IRAG2: variants seen among roughly 807,000 people sequenced by gnomAD.
The protein encoded by IRAG2 is inositol 1,4,5-triphosphate receptor associated 2.
A neutral mutation model predicts 69.9 loss-of-function variants in IRAG2; 45 were observed. The ratio of observed to expected loss-of-function variants is 0.64; its 90% CI spans 0.51 to 0.83. The LOEUF (loss-of-function observed/expected upper bound fraction) is 0.83. IRAG2 is among the 40% of genes least tolerant of loss of function. The pLI is 0.00. For synonymous variants in IRAG2, 193 were observed against 202.4 expected (o/e 0.95, Z 0.40); for missense variants, 520 against 587.0 (o/e 0.89, Z 1.18).
At chr12:25,105,629 T>C (rs1420021580) in intron 20 of IRAG2, among the ~76,000 whole-genome samples, 1 of 139,370 alleles carries the variant, frequency 7.2e-6, no homozygotes, top group African/African-American at 2.7e-5. Flanking sequence ...ATAATGAATT[T>C]GAGCTGGTTG....
chr12:25,053,401 A>C (rs1442701465), intron 1 of IRAG2, among the ~76,000 whole-genome samples: 1 of 152,080 alleles, frequency 6.6e-6, no homozygotes, highest in Non-Finnish European at 1.5e-5. Context: ...GGTTGGGCAA[A>C]ATAATTATGA....
At chr12:25,015,767 C>G (rs1944522689) in intron 5 of IRAG2, among the ~76,000 whole-genome samples, 1 of 152,182 alleles carries the variant, frequency 6.6e-6, no homozygotes, top group Admixed American at 6.5e-5. Flanking sequence ...TATTTTAAAG[C>G]ACTTCTTTAG....
chr12:25,077,277 A>AATATATATATG (rs1172159542), intron 6 of IRAG2, among the ~76,000 whole-genome samples: 1 of 21,824 alleles, frequency 4.6e-5, no homozygotes, highest in African/African-American at 1.5e-4. Flanking sequence ...ATATATATGA[A>AATATATATATG]ATATATATGA....
chr12:25,047,283 C>T (rs184506568), upstream of IRAG2, among the ~76,000 whole-genome samples: 4 of 152,178 alleles, frequency 2.6e-5, no homozygotes, highest in East Asian at 5.8e-4. Context: ...GGATATGACA[C>T]CAAAAGCACA....
chr12:25,099,977 G>A (rs1948651741), intron 15 of IRAG2, among the ~76,000 whole-genome samples: 1 of 105,212 alleles, frequency 9.5e-6, no homozygotes, highest in Admixed American at 1.4e-4. Flanking sequence ...TCCAGCCTGG[G>A]CAACAAGAGT....
chr12:25,044,780 A>AG (rs1438033330), intron 16 of IRAG2, among the ~76,000 whole-genome samples: 9 of 152,142 alleles, frequency 5.9e-5, no homozygotes, highest in Non-Finnish European at 1.0e-4. Flanking sequence ...ACAGAACTGA[A>AG]GGGGGAAATA....
intron 7 of IRAG2, among the ~76,000 whole-genome samples, chr12:25,021,917 A>T (rs568048093): frequency 6.6e-6 from 1 of 152,194 alleles, no homozygotes; most frequent in Non-Finnish European, 1.5e-5. Flanking sequence ...GCAAGTCTAT[A>T]TGGATGCATT....
intron 2 of IRAG2, among the ~76,000 whole-genome samples, chr12:25,006,666 A>G (rs959685547): frequency 6.6e-6 from 1 of 152,200 alleles, no homozygotes; most frequent in African/African-American, 2.4e-5. Flanking sequence ...AGTGGGAGTT[A>G]GACATTGTAT....
At chr12:25,055,495 A>G (rs1053803445) in intron 1 of IRAG2, among the ~76,000 whole-genome samples, 1 of 152,190 alleles carries the variant, frequency 6.6e-6, no homozygotes, top group Non-Finnish European at 1.5e-5. Context: ...TCTAGGGTAC[A>G]TGTGTACAAC....
intron 15 of IRAG2, among the ~76,000 whole-genome samples, chr12:25,100,641 A>C (rs1392237544): frequency 6.6e-6 from 1 of 152,192 alleles, no homozygotes; most frequent in Admixed American, 6.5e-5. Context: ...TATGCATATA[A>C]GTTGTTGCTT....
chr12:25,016,313 A>C (rs144741735), intron 5 of IRAG2, among the ~76,000 whole-genome samples: 1 of 152,368 alleles, frequency 6.6e-6, no homozygotes, highest in East Asian at 1.9e-4. Flanking sequence ...AGAATCTTAA[A>C]GGATTTGTGA....
At position 25,104,438 on chromosome 12, in the gene IRAG2, C is replaced by A; in HGVS notation, c.1124C>A (p.Ala375Asp). 6.2e-7 allele frequency: 1 copy of A among 1,611,628 alleles called. No homozygotes were observed. The highest frequency in any genetic ancestry group is 1.3e-5 in the African/African-American group (1 of 74,936). The change falls in exon 20 of 22, where the codon GCT (alanine) becomes GAT (aspartate). Residue 375 changes from alanine (A) to aspartate (D), a missense_variant. Physicochemically the swap from Ala to Asp is moderately radical, Grantham distance 126. Transcript: ENST00000556887. ...RFISTYSWAD[A>D]EEEKCELKTK... ...ATTAGCACCTATTCCTGGGCAGATG[C>A]TGAAGAAGAAAAATGTGAACTAAAG...
Position 25,016,413 on chromosome 12 carries a change from A to G in IRAG2, c.1056-721A>G, listed in dbSNP as rs1280095631. On this transcript the variant is annotated intron_variant, in intron 5 of 38. Coordinates refer to the IRAG2 transcript ENST00000636465. Reference sequence around the variant, plus strand: ...AGTACTGAATTGTGAGCTTCAGACTACAATGATAAGACTCTAGGAACTGTT... The same window carrying G: ...AGTACTGAATTGTGAGCTTCAGACTGCAATGATAAGACTCTAGGAACTGTT... Among the ~76,000 whole-genome samples the G allele has an allele frequency of 2.0e-5, 3 of 152,208 alleles. No homozygotes were observed. The East Asian group carries it at 5.8e-4, about 29-fold the overall frequency.
Position 25,107,849 on chromosome 12 carries a change from T to A in IRAG2, c.1289T>A (p.Leu430His), listed in dbSNP as rs763137437. 2.2e-5 allele frequency: 36 copies of A among 1,613,814 alleles called. No individual in the cohort carries two copies. The highest frequency in any genetic ancestry group is 3.0e-5 in the Non-Finnish European group (35 of 1,179,780). Residue 430 changes from leucine to histidine, a missense_variant, in exon 22 of 22, where the codon CTC (leucine) becomes CAC (histidine). Leu to His is a moderately conservative substitution (Grantham distance 99). Transcript: ENST00000556887. ...ACAATAGCTTCCTGGGCAACAAATC[T>A]CAAGTCCTCCATCAGAAAGGCTAAT... ...YDTIASWATN[L>H]KSSIRKANKA... is the part of the protein sequence containing the mutation.
chr12:25,034,016 G>A (rs1944688030), intron 13 of IRAG2: 2 of 397,950 alleles, frequency 5.0e-6, no homozygotes, highest in Non-Finnish European at 8.9e-6. Flanking sequence ...ATGATTTAAT[G>A]AAGGTTCACA....
At chr12:25,087,986 G>C in intron 10 of IRAG2, 114 bp from the exon 11 acceptor site, 1 of 722,266 alleles carries the variant, frequency 1.4e-6, no homozygotes, top group South Asian at 1.8e-5. Context: ...GTTGGGGACT[G>C]CTGTTATAGA....
At chr12:25,045,423 T>C (rs184970528) in intron 16 of IRAG2, among the ~76,000 whole-genome samples, 1,539 of 151,886 alleles carry the variant, frequency 0.01, 11 homozygotes, top group Non-Finnish European at 0.016. Flanking sequence ...TTGTTTAAAA[T>C]AGAAAAGCAA....
chr12:25,091,980 T>C (rs1948092754), intron 14 of IRAG2, among the ~76,000 whole-genome samples: 1 of 152,178 alleles, frequency 6.6e-6, no homozygotes, highest in South Asian at 2.1e-4. Flanking sequence ...AAAGTACAGT[T>C]TCAGGGCTGG....
intron 6 of IRAG2, among the ~76,000 whole-genome samples, chr12:25,077,308 G>GATATATATATGATATATATATGAT (rs1555139165): frequency 5.7e-5 from 1 of 17,664 alleles, no homozygotes; most frequent in South Asian, 1.9e-3. Flanking sequence ...AAATATATAT[G>GATATATATATGATATATATATGAT]ATATATATGA....
Sources: allele counts gnomAD v4.1 joint callset (sites outside exome capture counted in the v4.1 genomes callset), GRCh38; gene constraint gnomAD v4.1.1; transcripts MANE v1.5; gene names NCBI Gene and HGNC (gene_info 2026-07-23, HGNC 2026-07-21).